Variants in NALF1 observed in about 807,000 individuals in gnomAD.
The protein encoded by NALF1 is family with sequence similarity 155 member A.
A neutral mutation model predicts 48.4 loss-of-function variants in NALF1; 3 were observed. That is an observed-to-expected ratio of 0.06 (90% confidence interval 0.03 to 0.16). The LOEUF is 0.16. Ranked by LOEUF, NALF1 falls within the 10% of genes least tolerant of loss-of-function variation. The probability of loss-of-function intolerance (pLI) is 1.00; values close to 1 mark genes in which losing one functional copy is unlikely to be tolerated. For synonymous variants in NALF1, 262 were observed against 245.7 expected, an observed-to-expected ratio of 1.07 and a Z score of -0.62; for missense variants, 526 against 571.5, an observed-to-expected ratio of 0.92 and a Z score of 0.81.
chr13:107,478,696 C>T (rs1327479161), intron 1 of NALF1, among the ~76,000 whole-genome samples: 1 of 152,032 alleles, frequency 6.6e-6, no homozygotes, highest in Non-Finnish European at 1.5e-5. Flanking sequence ...TGTACTTAAT[C>T]GCTGGTAGGG....
intron 2 of NALF1, among the ~76,000 whole-genome samples, chr13:107,184,514 T>A (rs961553824): frequency 2.0e-5 from 3 of 152,232 alleles, no homozygotes; most frequent in Non-Finnish European, 4.4e-5. Flanking sequence ...TTTGCTTTTC[T>A]AGGTCCCTAT....
chr13:107,336,634 C>A (rs1019039784), intron 1 of NALF1, among the ~76,000 whole-genome samples: 2 of 152,112 alleles, frequency 1.3e-5, no homozygotes, highest in Non-Finnish European at 2.9e-5. Flanking sequence ...CCTCCACTTC[C>A]TCCGTGGTAT....
intron 1 of NALF1, among the ~76,000 whole-genome samples, chr13:107,792,547 T>G (rs986583500): frequency 2.0e-5 from 3 of 152,174 alleles, no homozygotes; most frequent in Non-Finnish European, 4.4e-5. Context: ...AGGACCAAAA[T>G]GGGACATTGT....
intron 1 of NALF1, among the ~76,000 whole-genome samples, chr13:107,799,388 G>C (rs1040792682): frequency 6.6e-6 from 1 of 152,136 alleles, no homozygotes; most frequent in Admixed American, 6.6e-5. Flanking sequence ...TGATATGTGG[G>C]AAAGTGCTCA....
At chr13:107,429,900 A>C (rs1884346475) in intron 1 of NALF1, among the ~76,000 whole-genome samples, 1 of 152,204 alleles carries the variant, frequency 6.6e-6, no homozygotes, top group Non-Finnish European at 1.5e-5. Context: ...GTATTGTTTC[A>C]CAAAGACCTG....
chr13:107,379,683 T>G (rs554115158), intron 1 of NALF1, among the ~76,000 whole-genome samples: 1 of 152,330 alleles, frequency 6.6e-6, no homozygotes, highest in East Asian at 1.9e-4. Flanking sequence ...TAGAGAATTC[T>G]CTTTCTCCTC....
At chr13:107,359,431 A>T (rs1303279719) in intron 1 of NALF1, among the ~76,000 whole-genome samples, 1 of 152,128 alleles carries the variant, frequency 6.6e-6, no homozygotes, top group African/African-American at 2.4e-5. Flanking sequence ...CTGAAGTGTT[A>T]CTTAATAACT....
At chr13:107,702,382 G>A (rs930602945) in intron 1 of NALF1, among the ~76,000 whole-genome samples, 2 of 151,954 alleles carry the variant, frequency 1.3e-5, no homozygotes, top group Non-Finnish European at 2.9e-5. Flanking sequence ...AACCAGTCAC[G>A]TTTCTCAGAA....
chr13:107,839,683 GA>G (rs71686285), intron 1 of NALF1, among the ~76,000 whole-genome samples: 2 of 147,816 alleles, frequency 1.4e-5, no homozygotes, highest in African/African-American at 4.9e-5. Flanking sequence ...TCCTGCATAA[GA>G]AAAAAAAACT....
chr13:107,563,302 G>T (rs1877698797), intron 1 of NALF1, among the ~76,000 whole-genome samples: 1 of 152,152 alleles, frequency 6.6e-6, no homozygotes, highest in African/African-American at 2.4e-5. Flanking sequence ...AAACAGGCCA[G>T]AGCACATTGA....
At chr13:107,369,499 G>T (rs1331157365) in intron 1 of NALF1, among the ~76,000 whole-genome samples, 1 of 151,940 alleles carries the variant, frequency 6.6e-6, no homozygotes, top group Non-Finnish European at 1.5e-5. Flanking sequence ...TACATTCTTT[G>T]TTCTCCTGAA....
chr13:107,629,197 A>C (rs1879765555), intron 1 of NALF1, among the ~76,000 whole-genome samples: 1 of 152,186 alleles, frequency 6.6e-6, no homozygotes, highest in Non-Finnish European at 1.5e-5. Context: ...AATAGTCAAA[A>C]CACATCTTCA....
intron 1 of NALF1, among the ~76,000 whole-genome samples, chr13:107,446,405 T>TCACACACACACACACA (rs34962012): frequency 8.6e-4 from 125 of 146,088 alleles, no homozygotes; most frequent in Middle Eastern, 3.6e-3. Context: ...ATAATTAAAT[T>TCACACACACACACACA]CACACACACA....
chr13:107,556,611 C>A (rs1594127650), intron 1 of NALF1, among the ~76,000 whole-genome samples: 1 of 152,052 alleles, frequency 6.6e-6, no homozygotes, highest in Non-Finnish European at 1.5e-5. Context: ...CCTGTCTCAG[C>A]CTCCCAAGTA....
intron 2 of NALF1, among the ~76,000 whole-genome samples, chr13:107,182,334 G>A: frequency 6.6e-6 from 1 of 151,812 alleles, no homozygotes; most frequent in South Asian, 2.1e-4. Context: ...GCAGTGGCAT[G>A]ATCTTGGCTC....
intron 2 of NALF1, among the ~76,000 whole-genome samples, chr13:107,210,235 C>T (rs1412798170): frequency 1.3e-5 from 2 of 152,174 alleles, no homozygotes; most frequent in East Asian, 3.8e-4. Flanking sequence ...CTGGCCTTAG[C>T]ACATCTCCTG....
intron 1 of NALF1, among the ~76,000 whole-genome samples, chr13:107,422,399 G>T (rs1463955325): frequency 6.6e-6 from 1 of 152,116 alleles, no homozygotes; most frequent in African/African-American, 2.4e-5. Context: ...TAGCCAGAGA[G>T]AAATTCCACG....
chr13:107,517,944 A>G (rs191245617), intron 1 of NALF1, among the ~76,000 whole-genome samples: 57 of 152,290 alleles, frequency 3.7e-4, no homozygotes, highest in African/African-American at 1.4e-3. Context: ...ACACAGCGAG[A>G]CACCATCTCA....
At position 107,806,146 on chromosome 13, in the gene NALF1, T is replaced by C. The variant is rs141823577; in HGVS notation, c.915+59536A>G. On this transcript the variant is annotated intron_variant, in intron 1 of 2. Coordinates refer to ENST00000375915, the MANE Select transcript of NALF1 (RefSeq NM_001080396.3). ...AAAAAGCAATGGTTGGGAAGGCACA[T>C]GCGTTTTAGAGGGCTGACCTAGATT... is the stretch of plus-strand genomic sequence containing the variant. Among the ~76,000 whole-genome samples, 1,151 of 152,242 alleles carry C rather than the reference T, an allele frequency of 7.6e-3. 5 individuals are homozygous for C. The highest frequency in any genetic ancestry group is 0.012 in the Non-Finnish European group (823 of 68,006).
Sources: gnomAD v4.1 joint callset for allele counts (sites outside exome capture counted in the v4.1 genomes callset) on GRCh38, gnomAD v4.1.1 for gene constraint, MANE v1.5 for transcripts, NCBI Gene and HGNC (gene_info 2026-07-23, HGNC 2026-07-21) for gene names.